Variants in TENM2 observed in about 807,000 individuals in gnomAD.
TENM2 encodes the protein teneurin-2.
TENM2 carries 52 observed loss-of-function variants against 245.2 expected under a neutral mutation model. That is an observed-to-expected ratio of 0.21 (90% confidence interval 0.17 to 0.27). The LOEUF is 0.27. Among genes scored for constraint, TENM2 ranks in the 10% least tolerant of loss-of-function variants. The probability of loss-of-function intolerance (pLI) is 1.00; values close to 1 mark genes in which losing one functional copy is unlikely to be tolerated. For synonymous variants in TENM2, 1,363 were observed against 1,438.9 expected, an observed-to-expected ratio of 0.95 and a Z score of 1.19; for missense variants, 3,046 against 3,666.8, an observed-to-expected ratio of 0.83 and a Z score of 4.37.
At chr5:167,500,786 C>T (rs1769163096) in intron 2 of TENM2, among the ~76,000 whole-genome samples, 1 of 152,094 alleles carries the variant, frequency 6.6e-6, no homozygotes, top group African/African-American at 2.4e-5. Flanking sequence ...TGTTTGAATT[C>T]ACCAGGGCCA....
chr5:167,302,228 A>G (rs933606229), intron 1 of TENM2, among the ~76,000 whole-genome samples: 4 of 152,088 alleles, frequency 2.6e-5, no homozygotes, highest in African/African-American at 9.7e-5. Flanking sequence ...GCTATTTGGA[A>G]CTACTGTCGA....
intron 12 of TENM2, among the ~76,000 whole-genome samples, chr5:168,142,014 T>C (rs549769707): frequency 4.3e-4 from 66 of 152,302 alleles, no homozygotes; most frequent in African/African-American, 1.6e-3. Flanking sequence ...AGAAGACACA[T>C]ATCCCCAGTG....
chr5:167,865,198 G>A (rs1772202244), intron 2 of TENM2, among the ~76,000 whole-genome samples: 1 of 152,078 alleles, frequency 6.6e-6, no homozygotes, highest in Non-Finnish European at 1.5e-5. Flanking sequence ...GATTGTCTTG[G>A]GTTACATTTC....
chr5:167,744,236 C>T (rs1761402806), intron 2 of TENM2, among the ~76,000 whole-genome samples: 1 of 152,132 alleles, frequency 6.6e-6, no homozygotes, highest in Non-Finnish European at 1.5e-5. Context: ...TCCCAAATTC[C>T]TCCTCCCTGT....
At chr5:167,524,986 C>T (rs1434400024) in intron 2 of TENM2, among the ~76,000 whole-genome samples, 1 of 152,006 alleles carries the variant, frequency 6.6e-6, no homozygotes, top group Non-Finnish European at 1.5e-5. Context: ...TTATGGGAAA[C>T]ACAATATTTT....
At chr5:168,123,836 G>A (rs1313937204) in intron 10 of TENM2, among the ~76,000 whole-genome samples, 1 of 152,154 alleles carries the variant, frequency 6.6e-6, no homozygotes, top group South Asian at 2.1e-4. Flanking sequence ...AAATGACATT[G>A]CATCATTTCC....
At chr5:167,435,965 CT>C (rs1284748347) in intron 2 of TENM2, among the ~76,000 whole-genome samples, 6 of 125,972 alleles carry the variant, frequency 4.8e-5, no homozygotes, top group East Asian at 4.5e-4. Context: ...ATTTCTTTTT[CT>C]TTTTTTTTCT....
intron 2 of TENM2, among the ~76,000 whole-genome samples, chr5:167,867,662 T>A (rs1437727689): frequency 6.6e-6 from 1 of 152,152 alleles, no homozygotes; most frequent in African/African-American, 2.4e-5. Context: ...TGATGTGGAA[T>A]AGAACAAACC....
At chr5:167,993,481 T>A (rs1783823203) in intron 5 of TENM2, among the ~76,000 whole-genome samples, 1 of 152,220 alleles carries the variant, frequency 6.6e-6, no homozygotes, top group African/African-American at 2.4e-5. Context: ...TATCCCTCAC[T>A]CTCAGAGTGG....
chr5:168,090,144 G>T (rs1255935021), intron 7 of TENM2, among the ~76,000 whole-genome samples: 2 of 150,928 alleles, frequency 1.3e-5, no homozygotes, highest in Non-Finnish European at 2.9e-5. Context: ...TTATGGAAAA[G>T]TTATACTTTG....
intron 2 of TENM2, among the ~76,000 whole-genome samples, chr5:167,803,936 G>A (rs1765962346): frequency 6.6e-6 from 1 of 152,028 alleles, no homozygotes; most frequent in South Asian, 2.1e-4. Flanking sequence ...GCTGATATTG[G>A]TTGAGCATCC....
At chr5:167,331,064 C>G (rs953810772) in intron 1 of TENM2, among the ~76,000 whole-genome samples, 1 of 151,594 alleles carries the variant, frequency 6.6e-6, no homozygotes, top group Non-Finnish European at 1.5e-5. Context: ...GGTAAAACCC[C>G]GTCTCTACTA....
chr5:168,210,145 G>C (rs550558139), intron 19 of TENM2, among the ~76,000 whole-genome samples: 2 of 152,160 alleles, frequency 1.3e-5, no homozygotes, highest in Non-Finnish European at 2.9e-5. Flanking sequence ...CGGTGATGCT[G>C]TTATTCTGGT....
intron 2 of TENM2, among the ~76,000 whole-genome samples, chr5:167,383,527 G>A (rs777720811): frequency 2.0e-5 from 3 of 152,030 alleles, no homozygotes; most frequent in Middle Eastern, 3.4e-3. Flanking sequence ...TGGGGAATCC[G>A]CTTTCCTTGA....
intron 2 of TENM2, among the ~76,000 whole-genome samples, chr5:167,727,842 G>A (rs6555767): frequency 0.21 from 31,589 of 152,114 alleles, 3,538 homozygotes; most frequent in African/African-American, 0.28. Context: ...TGTAACTCCA[G>A]TACAAACTCT....
chr5:167,367,244 A>G (rs1211460799), intron 1 of TENM2, among the ~76,000 whole-genome samples: 2 of 152,208 alleles, frequency 1.3e-5, no homozygotes, highest in East Asian at 3.8e-4. Flanking sequence ...TACAAATTGT[A>G]AATGTTTGGA....
At chr5:167,960,697 G>A (rs1780945432) in intron 4 of TENM2, among the ~76,000 whole-genome samples, 1 of 152,138 alleles carries the variant, frequency 6.6e-6, no homozygotes, top group Non-Finnish European at 1.5e-5. Context: ...CCTTTCCAGG[G>A]GAGTGAACGG....
chr5:168,235,853 C>T (rs550409435), intron 25 of TENM2, among the ~76,000 whole-genome samples: 3 of 151,740 alleles, frequency 2.0e-5, no homozygotes, highest in South Asian at 2.1e-4. Context: ...GAAAAATGTA[C>T]GGTGGAGCTA....
At chr5:167,069,573 C>T in the TENM2 span, among the ~76,000 whole-genome samples, 1 of 152,058 alleles carries the variant, frequency 6.6e-6, no homozygotes, top group Non-Finnish European at 1.5e-5. Context: ...AGTACATTTC[C>T]AATAGACAAA....
Sources: gnomAD v4.1 joint callset for allele counts (sites outside exome capture counted in the v4.1 genomes callset) on GRCh38, gnomAD v4.1.1 for gene constraint, MANE v1.5 for transcripts, NCBI Gene and HGNC (gene_info 2026-07-23, HGNC 2026-07-21) for gene names.